TMEM9: variants seen among roughly 807,000 people sequenced by gnomAD.
TMEM9 encodes the protein proton-transporting V-type ATPase complex assembly regulator TMEM9.
A neutral mutation model predicts 22.8 loss-of-function variants in TMEM9; 13 were observed. The observed-to-expected ratio is 0.57, with a 90% CI of 0.37 to 0.91. The LOEUF (loss-of-function observed/expected upper bound fraction) is 0.91. Ranked by LOEUF, TMEM9 falls within the 40% of genes least tolerant of loss-of-function variation. The pLI, the probability that TMEM9 is intolerant of heterozygous loss-of-function variation, is 0.01. For synonymous variants in TMEM9, 88 were observed against 93.0 expected (o/e 0.95, Z 0.31); for missense variants, 182 against 238.1 (o/e 0.76, Z 1.55).
Position 201,153,987 on chromosome 1 carries a change from A to C in TMEM9, c.-64T>G. ...GGAAAAAGAGATACGGAGTCGGAGA[A>C]GGGGAAGGTGGCCACACCGCAGCCA... is the stretch of plus-strand genomic sequence containing the variant. On this transcript the variant is annotated 5_prime_UTR_variant, in exon 1 of 5. Transcript: ENST00000367330. The C allele has an allele frequency of 6.4e-7, 1 of 1,550,856 alleles. No homozygotes were observed. The highest frequency in any genetic ancestry group is 1.2e-5 in the South Asian group (1 of 80,786).
At chr1:201,153,830 C>G in intron 1 of TMEM9, 28 bp downstream of exon 1, 3 of 1,613,836 alleles carry the variant, frequency 1.9e-6, no homozygotes, top group Non-Finnish European at 2.5e-6. Flanking sequence ...GTGGTCGTGA[C>G]CAGGTGCTGC....
chr1:201,135,342 G>C lies in TMEM9; in HGVS notation c.*321C>G, dbSNP rs1490209615. 1 of 217,294 alleles carries C rather than the reference G, an allele frequency of 4.6e-6. No individual in the cohort carries two copies. The highest frequency in any genetic ancestry group is 9.0e-6 in the Non-Finnish European group (1 of 110,712). The allele number at this position is 217,294 out of a possible 1,614,324, so 13.5% of individuals were successfully genotyped here. ...TTCCCAAGACTCAGAGCTGGAAGGC[G>C]GCAAGAGTGGAGCCAGGAGAGACAG... On this transcript the variant is annotated 3_prime_UTR_variant, in exon 5 of 5. Transcript: ENST00000367330.
intron 1 of TMEM9, among the ~76,000 whole-genome samples, chr1:201,162,861 A>G (rs997154956): frequency 1.3e-5 from 2 of 152,210 alleles, no homozygotes; most frequent in African/African-American, 4.8e-5. Context: ...GAACTTTTAC[A>G]ACTCAACAGT....
intron 1 of TMEM9, among the ~76,000 whole-genome samples, chr1:201,167,966 A>G (rs1213162737): frequency 5.3e-5 from 8 of 152,172 alleles, no homozygotes; most frequent in Non-Finnish European, 1.2e-4. Flanking sequence ...TTTTTTCAAC[A>G]TAGATTGGTT....
rs1158010733 is a variant in TMEM9, at chr1:201,154,147, C to T, written c.-224G>A. On this transcript the variant is annotated 5_prime_UTR_variant, in exon 1 of 5. The change creates a new upstream start codon in the 5' untranslated region. Transcript: ENST00000367330. ...CAACTCTCCGGCTCTCCGCCAGCCA[C>T]CTGGTGAGCCCGGCAGAGGGGTCCT... The T allele has an allele frequency of 5.9e-5, 33 of 556,338 alleles. 1 individual carries two copies. The highest frequency in any genetic ancestry group is 1.6e-5 in the Non-Finnish European group (5 of 318,290). 34.5% of individuals were successfully genotyped at this position (556,338 alleles called of 1,614,324 possible).
chr1:201,153,544 C>A (rs1318185795), intron 1 of TMEM9, among the ~76,000 whole-genome samples: 1 of 152,192 alleles, frequency 6.6e-6, no homozygotes, highest in African/African-American at 2.4e-5. Flanking sequence ...ACAAAACATA[C>A]TTTGGTCCAA....
At chr1:201,158,962 T>G (rs1665876037), upstream of TMEM9, among the ~76,000 whole-genome samples, 1 of 152,072 alleles carries the variant, frequency 6.6e-6, no homozygotes, top group Admixed American at 6.6e-5. Flanking sequence ...CACTCCCAAA[T>G]GGTGTCTACT....
intron 2 of TMEM9, among the ~76,000 whole-genome samples, chr1:201,148,528 C>A (rs1273359999): frequency 6.6e-6 from 1 of 152,220 alleles, no homozygotes; most frequent in African/African-American, 2.4e-5. Context: ...AGTGTCTATA[C>A]CCTGGGCCCG....
At chr1:201,170,518 T>A (rs941444127) in intron 1 of TMEM9, among the ~76,000 whole-genome samples, 2 of 152,128 alleles carry the variant, frequency 1.3e-5, no homozygotes, top group African/African-American at 4.8e-5. Flanking sequence ...ACATGACATG[T>A]CATAACTGGG....
intron 2 of TMEM9, among the ~76,000 whole-genome samples, chr1:201,147,629 G>A (rs1240084949): frequency 3.3e-5 from 5 of 152,078 alleles, no homozygotes; most frequent in African/African-American, 1.2e-4. Context: ...ACCTTCCCAC[G>A]GCAGCCAAGT....
intron 1 of TMEM9, among the ~76,000 whole-genome samples, chr1:201,169,421 A>C (rs1322356578): frequency 6.6e-6 from 1 of 152,230 alleles, no homozygotes; most frequent in Non-Finnish European, 1.5e-5. Context: ...CCCACTCTGC[A>C]CCAGTAGCCT....
chr1:201,148,561 C>T lies in TMEM9; in HGVS notation c.159-1713G>A, dbSNP rs190769438. Among the ~76,000 whole-genome samples, 4 of 152,318 alleles carry T rather than the reference C, an allele frequency of 2.6e-5. No homozygotes were observed. The East Asian group carries it at 5.8e-4, about 22-fold the overall frequency. ...CCGTTCTCTTCTCTTTGAGATAAAG[C>T]GGTTGCACCGGATAATCTTTAAAAG... On this transcript the variant is annotated intron_variant, in intron 2 of 4. Coordinates refer to ENST00000367330, the MANE Select transcript of TMEM9 (RefSeq NM_001288565.2).
In TMEM9 at chr1:201,151,835, C is replaced by A. The variant is rs751625026; in HGVS notation, c.84G>T (p.Arg28=). The A allele has an allele frequency of 3.1e-6, 5 of 1,613,474 alleles. No individual in the cohort carries two copies. Among genetic ancestry groups the A allele is most frequent in the Admixed American group, 1.7e-5 (1 of 59,996 alleles). The change falls in exon 2 of 5, where the codon CGG becomes CGT. Residue 28 remains arginine (R), a synonymous_variant. Coordinates refer to ENST00000367330, the MANE Select transcript of TMEM9 (RefSeq NM_001288565.2). ...AEANKSSEDI[R]CKCICPPYRN... is the part of the protein sequence containing the mutation. Reference sequence around the variant, plus strand: ...TATAAGGTGGACAGATGCATTTGCACCGGATATCTTCAGAACTCTGGAAAA... The same window carrying A: ...TATAAGGTGGACAGATGCATTTGCAACGGATATCTTCAGAACTCTGGAAAA...
chr1:201,171,175 G>A (rs1273386060), intron 1 of TMEM9, among the ~76,000 whole-genome samples: 6 of 152,244 alleles, frequency 3.9e-5, no homozygotes, highest in Non-Finnish European at 7.3e-5. Context: ...AAGGATTGCG[G>A]GGGGCGGTGC....
intron 4 of TMEM9, among the ~76,000 whole-genome samples, 171 bp downstream of exon 4, chr1:201,143,649 G>A (rs548888279): frequency 1.3e-5 from 2 of 152,338 alleles, no homozygotes; most frequent in African/African-American, 4.8e-5. Context: ...CATCTGGAAG[G>A]GCAAAGAGCA....
intron 1 of TMEM9, among the ~76,000 whole-genome samples, chr1:201,167,679 A>G (rs537445432): frequency 2.0e-5 from 3 of 152,294 alleles, no homozygotes; most frequent in East Asian, 1.9e-4. Flanking sequence ...GGGATAGGCT[A>G]TTATCCTTTA....
upstream of TMEM9, among the ~76,000 whole-genome samples, chr1:201,156,322 C>T (rs16847900): frequency 0.028 from 4,307 of 152,282 alleles, 186 homozygotes; most frequent in African/African-American, 0.095. Context: ...TATCTTTCCT[C>T]GGCTAGCATT....
At chr1:201,149,911 C>T (rs532914065) in intron 2 of TMEM9, among the ~76,000 whole-genome samples, 1 of 152,336 alleles carries the variant, frequency 6.6e-6, no homozygotes, top group East Asian at 1.9e-4. Flanking sequence ...AGTCTTTCCT[C>T]CAGCCTCAGT....
chr1:201,171,210 A>G (rs1201487041), intron 1 of TMEM9, among the ~76,000 whole-genome samples: 8 of 152,136 alleles, frequency 5.3e-5, no homozygotes, highest in Non-Finnish European at 1.0e-4. Context: ...GGAGAGTTTG[A>G]AATGGATCCT....
Sources: gnomAD v4.1 joint callset for allele counts (sites outside exome capture counted in the v4.1 genomes callset) on GRCh38, gnomAD v4.1.1 for gene constraint, MANE v1.5 for transcripts, NCBI Gene and HGNC (gene_info 2026-07-23, HGNC 2026-07-21) for gene names.